The following QTMAN variants were observed in gnomAD, a reference collection of about 807,000 sequenced individuals.
QTMAN encodes the protein tRNA-queuosine alpha-mannosyltransferase.
the QTMAN span, among the ~76,000 whole-genome samples, chr2:144,288,346 A>G: frequency 2.0e-5 from 3 of 152,198 alleles, no homozygotes; most frequent in African/African-American, 7.2e-5. Flanking sequence ...TTAAAGAACA[A>G]TGGAAACCCA....
the QTMAN span, among the ~76,000 whole-genome samples, chr2:143,967,489 C>A: frequency 6.6e-5 from 10 of 152,186 alleles, no homozygotes; most frequent in Non-Finnish European, 1.0e-4. Context: ...CACTACCATG[C>A]CTGGCTAATT....
At chr2:144,066,124 C>T in the QTMAN span, among the ~76,000 whole-genome samples, 1 of 151,352 alleles carries the variant, frequency 6.6e-6, no homozygotes, top group East Asian at 1.9e-4. Flanking sequence ...TCTTTTTTTC[C>T]CTTTTTCTTT....
the QTMAN span, among the ~76,000 whole-genome samples, chr2:144,220,642 T>C: frequency 6.6e-6 from 1 of 152,148 alleles, no homozygotes; most frequent in Non-Finnish European, 1.5e-5. Context: ...TCAAACAGAG[T>C]AAAGTTACTT....
the QTMAN span, among the ~76,000 whole-genome samples, chr2:144,165,308 T>G: frequency 2.4e-4 from 37 of 152,058 alleles, no homozygotes; most frequent in African/African-American, 8.7e-4. Context: ...AGGCAGAGGT[T>G]GCACTGAACC....
chr2:143,960,625 T>C, the QTMAN span, among the ~76,000 whole-genome samples: 1 of 151,958 alleles, frequency 6.6e-6, no homozygotes, highest in African/African-American at 2.4e-5. Flanking sequence ...AAAGCTCCCA[T>C]AGGATACTTG....
At chr2:143,991,417 C>G in the QTMAN span, among the ~76,000 whole-genome samples, 2 of 150,980 alleles carry the variant, frequency 1.3e-5, no homozygotes, top group Non-Finnish European at 3.0e-5. Context: ...CCAGCTGCCC[C>G]GTCCGGGAGG....
chr2:144,326,517 G>A, the QTMAN span, among the ~76,000 whole-genome samples: 1 of 150,804 alleles, frequency 6.6e-6, no homozygotes, highest in South Asian at 2.1e-4. Flanking sequence ...AACCCGGGAG[G>A]TGGAGCTTGC....
the QTMAN span, among the ~76,000 whole-genome samples, chr2:144,091,333 G>C: frequency 6.6e-6 from 1 of 152,024 alleles, no homozygotes; most frequent in African/African-American, 2.4e-5. Flanking sequence ...AAAAACCTGG[G>C]AGAAAATGTG....
At chr2:143,949,551 A>G in the QTMAN span, among the ~76,000 whole-genome samples, 1 of 151,984 alleles carries the variant, frequency 6.6e-6, no homozygotes, top group Non-Finnish European at 1.5e-5. Flanking sequence ...GGAACAAATT[A>G]AAGAATTCAG....
At chr2:144,302,155 A>G in the QTMAN span, among the ~76,000 whole-genome samples, 2 of 152,020 alleles carry the variant, frequency 1.3e-5, no homozygotes, top group Non-Finnish European at 2.9e-5. Context: ...CATACAGAAA[A>G]TATCTGTCTA....
the QTMAN span, among the ~76,000 whole-genome samples, chr2:144,242,034 G>A: frequency 5.3e-5 from 8 of 152,062 alleles, no homozygotes; most frequent in Non-Finnish European, 1.2e-4. Context: ...ACCAGGAAGT[G>A]GAAGTTTGAC....
the QTMAN span, among the ~76,000 whole-genome samples, chr2:144,288,669 G>T: frequency 6.6e-6 from 1 of 152,162 alleles, no homozygotes; most frequent in Non-Finnish European, 1.5e-5. Flanking sequence ...TCCAAGGCCT[G>T]CAAACTTCTC....
At chr2:144,201,081 T>C in the QTMAN span, among the ~76,000 whole-genome samples, 5,108 of 152,130 alleles carry the variant, frequency 0.034, 292 homozygotes, top group African/African-American at 0.12. Flanking sequence ...TCATAAAGCT[T>C]AGAATAAAAT....
chr2:144,125,905 T>C, the QTMAN span, among the ~76,000 whole-genome samples: 1 of 152,054 alleles, frequency 6.6e-6, no homozygotes, highest in Non-Finnish European at 1.5e-5. Flanking sequence ...CCTTATCAGA[T>C]GGTAAAAATT....
At chr2:144,253,938 T>C in the QTMAN span, among the ~76,000 whole-genome samples, 1 of 152,190 alleles carries the variant, frequency 6.6e-6, no homozygotes, top group African/African-American at 2.4e-5. Context: ...AAAAATGGTT[T>C]CCTGGGCTGG....
the QTMAN span, among the ~76,000 whole-genome samples, chr2:144,182,813 A>AT: frequency 3.2e-5 from 2 of 62,890 alleles, no homozygotes; most frequent in Non-Finnish European, 5.3e-5. Flanking sequence ...TATATAATAT[A>AT]TATATTATAT....
At chr2:144,049,750 G>C in the QTMAN span, among the ~76,000 whole-genome samples, 1 of 152,128 alleles carries the variant, frequency 6.6e-6, no homozygotes, top group Non-Finnish European at 1.5e-5. Flanking sequence ...ATTCAGAATA[G>C]AGTCATACAT....
At chr2:144,087,135 G>A in the QTMAN span, among the ~76,000 whole-genome samples, 1 of 152,054 alleles carries the variant, frequency 6.6e-6, no homozygotes. Flanking sequence ...TGAGTATCAA[G>A]AATGAGTCAT....
At chr2:143,952,736 A>C in the QTMAN span, 1 of 1,267,558 alleles carries the variant, frequency 7.9e-7, no homozygotes, top group Non-Finnish European at 1.2e-6. Flanking sequence ...TCATATATTA[A>C]ATCTCAATAA....
Sources: allele counts gnomAD v4.1 joint callset (sites outside exome capture counted in the v4.1 genomes callset), GRCh38; gene constraint gnomAD v4.1.1; transcripts MANE v1.5; gene names NCBI Gene and HGNC (gene_info 2026-07-23, HGNC 2026-07-21).